RECQL: variants seen among roughly 807,000 people sequenced by gnomAD.
RECQL encodes ATP-dependent DNA helicase Q1.
A neutral mutation model predicts 75.8 loss-of-function variants in RECQL; 73 were observed. That is an observed-to-expected ratio of 0.96 (90% CI 0.80 to 1.17). RECQL has a LOEUF of 1.17. Ranked by LOEUF, RECQL falls within the 50% of genes most tolerant of loss-of-function variation. The probability of loss-of-function intolerance (pLI) is 0.00; values close to 1 mark genes in which losing one functional copy is unlikely to be tolerated. For synonymous variants in RECQL, 248 were observed against 254.4 expected (o/e 0.97, Z 0.24); for missense variants, 699 against 772.1 (o/e 0.91, Z 1.12).
intron 1 of RECQL, among the ~76,000 whole-genome samples, chr12:21,500,262 GA>G (rs1348971933): frequency 1.3e-5 from 2 of 152,144 alleles, no homozygotes; most frequent in Admixed American, 6.5e-5. Context: ...GGGGGGAGGG[GA>G]AAATGGTTTG....
At chr12:21,496,517 T>C (rs1388632561) in intron 2 of RECQL, among the ~76,000 whole-genome samples, 1 of 152,182 alleles carries the variant, frequency 6.6e-6, no homozygotes, top group East Asian at 1.9e-4. Flanking sequence ...CCACCAGACA[T>C]TACACTAGCT....
intron 5 of RECQL, 118 bp downstream of exon 5, chr12:21,486,361 T>G: frequency 5.5e-6 from 7 of 1,281,948 alleles, no homozygotes; most frequent in Non-Finnish European, 7.1e-6. Context: ...AGCAGTAGTT[T>G]GTAACTCCTG....
rs1491355154 is a variant in RECQL at position 21,486,687 on chromosome 12, T to TTA, written c.395-103_395-102insTA. The TTA allele has an allele frequency of 1.2e-5, 9 of 737,782 alleles. No homozygotes were observed. The Admixed American group carries it at 1.9e-4, about 15-fold the overall frequency. The allele number at this position is 737,782 out of a possible 1,614,324, so 45.7% of individuals were successfully genotyped here. ...TTTTTTTTTTTTTTTTTTTTTTTTT[T>TTA]AGAGATGGAGTCTCACTCTCTTGCC... On this transcript the variant is annotated intron_variant, in intron 4 of 14. Coordinates refer to ENST00000444129, the MANE Select transcript of RECQL (RefSeq NM_002907.4).
chr12:21,501,248 C>A lies in RECQL; in HGVS notation c.-124G>T, dbSNP rs1010747767. 1.3e-5 allele frequency: 2 copies of A among 152,186 alleles called. No homozygotes were observed. The highest frequency in any genetic ancestry group is 4.8e-5 in the African/African-American group (2 of 41,420). The allele number at this position is 152,186 out of a possible 1,614,324, so 9.4% of individuals were successfully genotyped here. A position where few individuals can be genotyped will look rare whatever the true frequency, so the allele number is the denominator to read the frequency against. ...GAAAAGAATGGGGAGATCAGAAGAC[C>A]GGTCAGCAGGCGAACGTGCCCCTAA... On this transcript the variant is annotated 5_prime_UTR_variant, in exon 1 of 15. Transcript: ENST00000444129.
rs1468184529 is a variant in RECQL at position 21,482,000 on chromosome 12, T to C, written c.700+1376A>G. ...TAGTATGGTGGTGGCAGAAGCATGATTCAATGAGTTCAGAATGGGTTAAAG... is the reference window on the plus strand; with the variant it reads ...TAGTATGGTGGTGGCAGAAGCATGACTCAATGAGTTCAGAATGGGTTAAAG... On this transcript the variant is annotated intron_variant, in intron 6 of 14. Transcript: ENST00000444129. Among the ~76,000 whole-genome samples the C allele has an allele frequency of 2.7e-5, 4 of 148,252 alleles. 1 individual carries two copies. Among genetic ancestry groups the C allele is most frequent in the Non-Finnish European group, 6.1e-5 (4 of 65,528 alleles).
intron 11 of RECQL, among the ~76,000 whole-genome samples, chr12:21,474,370 T>C (rs531245641): frequency 6.6e-6 from 1 of 152,152 alleles, no homozygotes; most frequent in African/African-American, 2.4e-5. Flanking sequence ...AAGATAACTA[T>C]GACAGAAAGC....
intron 4 of RECQL, 89 bp downstream of exon 4, chr12:21,490,110 G>A: frequency 1.5e-6 from 1 of 651,286 alleles, no homozygotes; most frequent in South Asian, 3.5e-5. Flanking sequence ...TTTTATATAT[G>A]TATGATTATA....
chr12:21,492,784 C>T (rs1454759911), intron 2 of RECQL, among the ~76,000 whole-genome samples: 1 of 152,256 alleles, frequency 6.6e-6, no homozygotes, highest in African/African-American at 2.4e-5. Context: ...GGTGGAACAA[C>T]TTGGCCCACA....
In RECQL at chr12:21,501,555, C is replaced by T. The variant is rs1484817378; in HGVS notation, c.-431G>A. The T allele has an allele frequency of 5.1e-5, 13 of 257,148 alleles. No individual in the cohort carries two copies. The highest frequency in any genetic ancestry group is 3.1e-4 in the East Asian group (3 of 9,766). The allele number at this position is 257,148 out of a possible 1,614,324, so 15.9% of individuals were successfully genotyped here. A position where few individuals can be genotyped will look rare whatever the true frequency, so the allele number is the denominator to read the frequency against. On this transcript the variant is annotated 5_prime_UTR_variant, in exon 1 of 15. Transcript: ENST00000444129. Reference sequence around the variant, plus strand: ...CGATCTCCGACTCTCGGATCTCCGACACCAAAGCACCCAGGCCTCGAGCAG... The same window carrying T: ...CGATCTCCGACTCTCGGATCTCCGATACCAAAGCACCCAGGCCTCGAGCAG...
intron 2 of RECQL, among the ~76,000 whole-genome samples, chr12:21,494,027 C>A (rs959319721): frequency 3.3e-5 from 5 of 152,152 alleles, no homozygotes; most frequent in African/African-American, 1.2e-4. Context: ...GTAGGCTATA[C>A]AAGGAGCATA....
In RECQL at chr12:21,475,666, T is replaced by C. The variant is rs556254140; in HGVS notation, c.1098+10A>G. The C allele has an allele frequency of 1.2e-6, 2 of 1,613,056 alleles. No homozygotes were observed. Among genetic ancestry groups the C allele is most frequent in the Non-Finnish European group, 1.7e-6 (2 of 1,179,288 alleles). ...GTAAATTAGGCTTCTATGGAAGATA[T>C]AGACCTAACCTGAATTTCATTGGCT... On this transcript the variant is annotated intron_variant, in intron 9 of 14. Transcript: ENST00000444129.
At chr12:21,487,005 T>A (rs991979087) in intron 4 of RECQL, among the ~76,000 whole-genome samples, 3 of 152,150 alleles carry the variant, frequency 2.0e-5, no homozygotes, top group African/African-American at 7.2e-5. Flanking sequence ...GCACTGGCCA[T>A]CAATTCAGAT....
intron 5 of RECQL, 132 bp from the exon 6 acceptor site, chr12:21,483,706 G>A: frequency 1.5e-6 from 1 of 653,724 alleles, no homozygotes; most frequent in Non-Finnish European, 2.5e-6. Flanking sequence ...CAGATGTTTA[G>A]TTCATTAAAA....
Position 21,479,446 on chromosome 12 carries a change from G to A in RECQL, c.701-1477C>T, listed in dbSNP as rs546160444. On this transcript the variant is annotated intron_variant, in intron 6 of 14. Coordinates refer to ENST00000444129, the MANE Select transcript of RECQL (RefSeq NM_002907.4). Reference sequence around the variant, plus strand: ...TGGCTCACTGCAAGCTCCACCTCCCGGGTTCACGCCATTCTCCCGCCTTAG... The same window carrying A: ...TGGCTCACTGCAAGCTCCACCTCCCAGGTTCACGCCATTCTCCCGCCTTAG... Among the ~76,000 whole-genome samples, 59 of 149,850 alleles carry A rather than the reference G, an allele frequency of 3.9e-4. 1 individual carries two copies. The highest frequency in any genetic ancestry group is 1.3e-3 in the African/African-American group (53 of 40,364).
intron 4 of RECQL, among the ~76,000 whole-genome samples, chr12:21,489,966 C>T (rs149974834): frequency 6.6e-6 from 1 of 152,182 alleles, no homozygotes; most frequent in African/African-American, 2.4e-5. Context: ...ATCTCAGCAT[C>T]ACACAATATA....
Position 21,475,781 on chromosome 12 carries a change from C to G in RECQL, c.993G>C (p.Thr331=), listed in dbSNP as rs764491255. 6.2e-7 allele frequency: 1 copy of G among 1,613,068 alleles called. No individual in the cohort carries two copies. Among genetic ancestry groups the G allele is most frequent in the East Asian group, 2.2e-5 (1 of 44,854 alleles). ...CFSQKDSEQV[T]VSLQNLGIHA... is the part of the protein sequence containing the mutation. The stretch of plus-strand genomic sequence containing the variant: ...GAATTCCCAGATTCTGCAAACTAAC[C>G]GTAACTTGTTCAGAGTCTTTCTGAG... The change falls in exon 9 of 15, where the codon ACG becomes ACC. Residue 331 remains threonine (T), a synonymous_variant. Transcript: ENST00000444129.
chr12:21,478,251 A>C (rs552041106), intron 6 of RECQL, among the ~76,000 whole-genome samples: 2 of 151,940 alleles, frequency 1.3e-5, no homozygotes, highest in South Asian at 4.2e-4. Flanking sequence ...CATCAGACAA[A>C]CCCCTGCTAC....
At position 21,477,860 on chromosome 12, in the gene RECQL, G is replaced by C. The variant is rs1943115313; in HGVS notation, c.810C>G (p.Cys270Trp). The change falls in exon 7 of 15, where the codon TGC becomes TGG. Residue 270 changes from cysteine (C) to tryptophan (W), a missense_variant. Physicochemically the swap from Cys to Trp is radical, Grantham distance 215. Around this residue, in one of 2 missense-constraint regions of RECQL, gnomAD observed 669 missense variants for 713.5 expected, o/e 0.94. Transcript: ENST00000444129. ...HVLTDAQKIL[C>W]IEKCFTFTAS... ...CTGTAAAAGTAAAACACTTTTCAAT[G>C]CACAAAATTTTCTGAGCATCCGTCA... 1 of 1,613,516 alleles carries C rather than the reference G, an allele frequency of 6.2e-7. No individual in the cohort carries two copies. The highest frequency in any genetic ancestry group is 1.7e-5 in the Admixed American group (1 of 59,928).
At chr12:21,491,782 A>T (rs1001805582) in intron 2 of RECQL, 66 bp from the exon 3 acceptor site, 3 of 1,377,514 alleles carry the variant, frequency 2.2e-6, no homozygotes, top group Admixed American at 2.6e-5. Context: ...TTCCAGATTG[A>T]TTTCTGGGTG....
Sources: gnomAD v4.1 joint callset for allele counts (sites outside exome capture counted in the v4.1 genomes callset) on GRCh38, gnomAD v4.1.1 for gene constraint, gnomAD v4.1.1 regional missense constraint, MANE v1.5 for transcripts, NCBI Gene and HGNC (gene_info 2026-07-23, HGNC 2026-07-21) for gene names.